Variants in RNU4-2 observed in about 807,000 individuals in gnomAD.
RNU4-2 encodes RNA, U4 small nuclear 1B.
At chr12:120,291,869 C>A (rs991443026) in exon 1 of RNU4-2, 2 of 152,094 alleles carry the variant, frequency 1.3e-5, no homozygotes, top group African/African-American at 4.8e-5. Context: ...CTCGGATAAA[C>A]CTCATTGGCT....
exon 1 of RNU4-2, chr12:120,291,872 C>CT (rs1353174616): frequency 6.6e-6 from 1 of 152,150 alleles, no homozygotes; most frequent in Non-Finnish European, 1.5e-5. Flanking sequence ...GGATAAACCT[C>CT]ATTGGCTACG....
At chr12:120,291,818 G>GA (rs1566455522) in exon 1 of RNU4-2, 1 of 152,096 alleles carries the variant, frequency 6.6e-6, no homozygotes, top group Admixed American at 6.6e-5. Context: ...AGTCGTCATG[G>GA]CGGGGTATTG....
At chr12:120,291,814 C>T (rs1010774767) in exon 1 of RNU4-2, 13 of 152,194 alleles carry the variant, frequency 8.5e-5, no homozygotes, top group Admixed American at 3.3e-4. Flanking sequence ...TTCAAGTCGT[C>T]ATGGCGGGGT....
exon 1 of RNU4-2, chr12:120,291,773 G>A (rs140369273): frequency 1.7e-4 from 26 of 152,246 alleles, no homozygotes; most frequent in East Asian, 7.7e-4. Flanking sequence ...TCTCCGTAGA[G>A]ACTGTCAAAA....
At chr12:120,291,882 G>C (rs546138387) in exon 1 of RNU4-2, 1 of 152,040 alleles carries the variant, frequency 6.6e-6, no homozygotes, top group African/African-American at 2.4e-5. Context: ...CATTGGCTAC[G>C]ATACTGCCAC....
At chr12:120,291,792 T>C (rs569996779) in exon 1 of RNU4-2, 20 of 152,336 alleles carry the variant, frequency 1.3e-4, no homozygotes, top group Non-Finnish European at 2.4e-4. Flanking sequence ...AAATTGCCAA[T>C]GCCGACTATA....
chr12:120,291,807 A>AT (rs1234129970), exon 1 of RNU4-2: 1 of 152,180 alleles, frequency 6.6e-6, no homozygotes, highest in African/African-American at 2.4e-5. Context: ...ACTATATTTC[A>AT]AGTCGTCATG....
chr12:120,291,899 A>G (rs530877232), exon 1 of RNU4-2: 4 of 152,208 alleles, frequency 2.6e-5, no homozygotes, highest in Admixed American at 6.6e-5. Flanking sequence ...CCACTGCGCA[A>G]AGCTGGAAAG....
exon 1 of RNU4-2, chr12:120,291,774 A>G (rs1165414201): frequency 6.6e-6 from 1 of 152,164 alleles, no homozygotes; most frequent in Non-Finnish European, 1.5e-5. Context: ...CTCCGTAGAG[A>G]CTGTCAAAAA....
At chr12:120,291,846 G>C (rs746604953) in exon 1 of RNU4-2, 2 of 152,122 alleles carry the variant, frequency 1.3e-5, no homozygotes, top group Admixed American at 6.6e-5. Flanking sequence ...TTTTCAATTA[G>C]CAATAATCGC....
exon 1 of RNU4-2, chr12:120,291,858 C>G (rs1350650103): frequency 1.3e-5 from 2 of 152,090 alleles, no homozygotes; most frequent in Admixed American, 1.3e-4. Context: ...AATAATCGCG[C>G]CTCGGATAAA....
At chr12:120,291,796 G>C (rs760576918) in exon 1 of RNU4-2, 1 of 152,068 alleles carries the variant, frequency 6.6e-6, no homozygotes, top group Non-Finnish European at 1.5e-5. Flanking sequence ...TGCCAATGCC[G>C]ACTATATTTC....
chr12:120,291,873 A>AT (rs1871985931), exon 1 of RNU4-2: 1 of 152,088 alleles, frequency 6.6e-6, no homozygotes, highest in Non-Finnish European at 1.5e-5. Flanking sequence ...GATAAACCTC[A>AT]TTGGCTACGA....
In RNU4-2 at chr12:120,291,838, T is replaced by C. The variant is rs2136803896; in HGVS notation, n.66A>G. 1 of 152,248 alleles carries C rather than the reference T, an allele frequency of 6.6e-6. No homozygotes were observed. Among genetic ancestry groups the C allele is most frequent in the Non-Finnish European group, 1.5e-5 (1 of 68,024 alleles). The allele number at this position is 152,248 out of a possible 1,614,324, so 9.4% of individuals were successfully genotyped here. ...TCATGGCGGGGTATTGGGAAAAGTT[T>C]TCAATTAGCAATAATCGCGCCTCGG... On this transcript the variant is annotated non_coding_transcript_exon_variant, in exon 1 of 1. Transcript: ENST00000365668.
exon 1 of RNU4-2, chr12:120,291,872 C>G (rs1408006695): frequency 6.6e-6 from 1 of 152,150 alleles, no homozygotes; most frequent in Non-Finnish European, 1.5e-5. Context: ...GGATAAACCT[C>G]ATTGGCTACG....
exon 1 of RNU4-2, chr12:120,291,902 C>T (rs1011911000): frequency 2.0e-5 from 3 of 152,094 alleles, no homozygotes; most frequent in Admixed American, 1.3e-4. Context: ...CTGCGCAAAG[C>T]TGGAAAGGTT....
chr12:120,291,766 C>T (rs938153539), exon 1 of RNU4-2: 3 of 152,174 alleles, frequency 2.0e-5, no homozygotes, highest in Non-Finnish European at 2.9e-5. Flanking sequence ...AATTCAGTCT[C>T]CGTAGAGACT....
At chr12:120,291,798 C>G (rs1397751930) in exon 1 of RNU4-2, 1 of 152,156 alleles carries the variant, frequency 6.6e-6, no homozygotes, top group South Asian at 2.1e-4. Context: ...CCAATGCCGA[C>G]TATATTTCAA....
At chr12:120,291,853 T>C (rs553906182) in exon 1 of RNU4-2, 9 of 152,164 alleles carry the variant, frequency 5.9e-5, no homozygotes, top group Non-Finnish European at 7.3e-5. Context: ...TTAGCAATAA[T>C]CGCGCCTCGG....
Sources: gnomAD v4.1 joint callset for allele counts on GRCh38, gnomAD v4.1.1 for gene constraint, MANE v1.5 for transcripts, NCBI Gene and HGNC (gene_info 2026-07-23, HGNC 2026-07-21) for gene names.